The following RMDN2 variants were observed in gnomAD, a reference collection of about 807,000 sequenced individuals.
RMDN2 encodes regulator of microtubule dynamics 2.
In RMDN2, 61 loss-of-function variants were observed where a neutral mutation model predicts 52.8. That is an observed-to-expected ratio of 1.16 (90% CI 0.94 to 1.43). The LOEUF is 1.43. RMDN2 is among the 40% of genes most tolerant of loss of function. The pLI is 0.00. For synonymous variants in RMDN2, 180 were observed against 153.1 expected (o/e 1.18, Z -1.30); for missense variants, 592 against 475.3 (o/e 1.25, Z -2.28).
intron 10 of RMDN2, among the ~76,000 whole-genome samples, chr2:38,006,135 A>G (rs902088543): frequency 1.4e-4 from 22 of 152,148 alleles, no homozygotes; most frequent in African/African-American, 4.1e-4. Context: ...GTCTGGTAGC[A>G]TGATGCCTCC....
downstream of RMDN2, among the ~76,000 whole-genome samples, chr2:38,018,525 C>T (rs982007649): frequency 2.0e-5 from 3 of 152,094 alleles, no homozygotes; most frequent in African/African-American, 4.8e-5. Context: ...TAACTACAAT[C>T]GAATAACATT....
downstream of RMDN2, among the ~76,000 whole-genome samples, chr2:38,020,787 C>T (rs1679300470): frequency 6.6e-6 from 1 of 152,112 alleles, no homozygotes; most frequent in Non-Finnish European, 1.5e-5. Context: ...CATGCCTGAA[C>T]CTCCCCCGCC....
rs186464344 is a variant in RMDN2, at chr2:37,944,919, G to T, written c.452+15190G>T. 3.9e-5 allele frequency among the ~76,000 whole-genome samples: 6 copies of T among 152,268 alleles called. No individual in the cohort carries two copies. The East Asian group carries it at 7.7e-4, about 20-fold the overall frequency. On this transcript the variant is annotated intron_variant, in intron 2 of 10. Coordinates refer to ENST00000354545, the MANE Select transcript of RMDN2 (RefSeq NM_001170791.3). ...GCAAGAGTAAAGATGCAGGAAAAGG[G>T]CCTTTTTAAAAAATATCAAGAACAA...
At chr2:37,974,351 CTA>C in intron 3 of RMDN2, 137 bp downstream of exon 3, 1 of 514,000 alleles carries the variant, frequency 1.9e-6, no homozygotes. Context: ...TATAAAATGA[CTA>C]AAATTTTTTA....
intron 10 of RMDN2, among the ~76,000 whole-genome samples, chr2:38,048,439 G>T (rs1681402713): frequency 6.6e-6 from 1 of 152,184 alleles, no homozygotes; most frequent in South Asian, 2.1e-4. Context: ...AGCCTCCAGG[G>T]ACTTCAGGAA....
chr2:38,042,640 C>G (rs1681039796), intron 10 of RMDN2, among the ~76,000 whole-genome samples: 1 of 151,978 alleles, frequency 6.6e-6, no homozygotes, highest in African/African-American at 2.4e-5. Context: ...GCATTCAGTG[C>G]TATAAATTTC....
At chr2:37,977,358 A>T (rs375722126) in intron 4 of RMDN2, among the ~76,000 whole-genome samples, 3 of 152,022 alleles carry the variant, frequency 2.0e-5, no homozygotes. Flanking sequence ...TGTTGGGTAC[A>T]CCTCCCAGAC....
chr2:38,065,742 G>C (rs527315309), intron 10 of RMDN2, among the ~76,000 whole-genome samples: 2 of 152,332 alleles, frequency 1.3e-5, no homozygotes, highest in South Asian at 4.1e-4. Flanking sequence ...GATGGCCCTG[G>C]CTCCAACAAG....
chr2:38,017,575 G>T lies in RMDN2; in HGVS notation c.*336G>T. The T allele has an allele frequency of 8.2e-7, 1 of 1,225,614 alleles. No individual in the cohort carries two copies. Among genetic ancestry groups the T allele is most frequent in the Non-Finnish European group, 1.1e-6 (1 of 930,648 alleles). The allele number at this position is 1,225,614 out of a possible 1,614,324, so 75.9% of individuals were successfully genotyped here. Reference sequence around the variant, plus strand: ...TCATGAATATTTTATTGTTTCAATGGAGACTTCGTAAGACAAAATAATTTC... The same window carrying T: ...TCATGAATATTTTATTGTTTCAATGTAGACTTCGTAAGACAAAATAATTTC... On this transcript the variant is annotated 3_prime_UTR_variant, in exon 11 of 11. Transcript: ENST00000354545.
At position 37,938,321 on chromosome 2, in the gene RMDN2, A is replaced by G. The variant is rs535663000; in HGVS notation, c.452+8592A>G. On this transcript the variant is annotated intron_variant, in intron 2 of 10. Coordinates refer to ENST00000354545, the MANE Select transcript of RMDN2 (RefSeq NM_001170791.3). ...CCAGTATTTTATTGAGGATTTTTGC[A>G]TCAATCTTCATCAGGGATATTGGCC... 1.2e-3 allele frequency among the ~76,000 whole-genome samples: 176 copies of G among 152,292 alleles called. 3 individuals carry two copies. The highest frequency in any genetic ancestry group is 1.8e-4 in the Non-Finnish European group (12 of 68,028).
chr2:37,956,193 C>A (rs1218345024), intron 2 of RMDN2, among the ~76,000 whole-genome samples: 1 of 152,100 alleles, frequency 6.6e-6, no homozygotes, highest in Non-Finnish European at 1.5e-5. Context: ...AATATTTGGG[C>A]TTTCACTTTT....
At chr2:37,981,217 A>T in intron 4 of RMDN2, 66 bp from the exon 5 acceptor site, 1 of 957,102 alleles carries the variant, frequency 1.0e-6, no homozygotes, top group Non-Finnish European at 1.7e-6. Context: ...ACCATGAGTT[A>T]ATTCAATAAT....
chr2:38,049,747 T>TTTTGTAGAGA (rs1681476768), intron 10 of RMDN2, among the ~76,000 whole-genome samples: 1 of 152,094 alleles, frequency 6.6e-6, no homozygotes, highest in African/African-American at 2.4e-5. Context: ...TAATTTTTTA[T>TTTTGTAGAGA]TTTGTAGAGA....
At chr2:38,004,787 G>T (rs1028606527) in intron 10 of RMDN2, among the ~76,000 whole-genome samples, 1 of 151,648 alleles carries the variant, frequency 6.6e-6, no homozygotes, top group African/African-American at 2.4e-5. Flanking sequence ...TTGGTGTGCT[G>T]CACCCATTAA....
Position 37,991,210 on chromosome 2 carries a change from CT to C in RMDN2, c.868-4del. 15 of 1,531,844 alleles carry C rather than the reference CT, an allele frequency of 9.8e-6. No homozygotes were observed. Among genetic ancestry groups the C allele is most frequent in the South Asian group, 4.9e-5 (4 of 81,488 alleles). 94.9% of individuals were successfully genotyped at this position (1,531,844 alleles called of 1,614,324 possible). A position where few individuals can be genotyped will look rare whatever the true frequency, so the allele number is the denominator to read the frequency against. On this transcript the variant is annotated splice_polypyrimidine_tract_variant and intron_variant, in intron 6 of 10. Coordinates refer to ENST00000354545, the MANE Select transcript of RMDN2 (RefSeq NM_001170791.3). ...TTGGGAGATGATTTTCCTTTGGATG[CT>C]TTTTTCAGGAACATCTAGATATAGC...
rs1408788545 is a variant in RMDN2 at position 37,981,231 on chromosome 2, C to T, written c.731-52C>T. On this transcript the variant is annotated intron_variant, in intron 4 of 10. Transcript: ENST00000354545. ...AACCATGAGTTAATTCAATAATCCA[C>T]CTCCTACCAACTCACATGAAGGTAT... 4.6e-6 allele frequency: 5 copies of T among 1,087,964 alleles called. No individual in the cohort carries two copies. The East Asian group carries it at 9.4e-5, about 21-fold the overall frequency. 67.4% of individuals were successfully genotyped at this position (1,087,964 alleles called of 1,614,324 possible). A position where few individuals can be genotyped will look rare whatever the true frequency, so the allele number is the denominator to read the frequency against.
intron 10 of RMDN2, among the ~76,000 whole-genome samples, chr2:38,012,888 G>T (rs923607427): frequency 6.6e-6 from 1 of 152,154 alleles, no homozygotes. Context: ...TTTCTTTCTT[G>T]TGGCATTTAT....
intron 4 of RMDN2, among the ~76,000 whole-genome samples, chr2:37,979,771 G>A (rs1010304552): frequency 6.6e-6 from 1 of 151,978 alleles, no homozygotes. Context: ...TTATATTCTT[G>A]GAGTGATGGA....
At chr2:38,066,777 T>C (rs1682300770) in intron 10 of RMDN2, 6 of 558,672 alleles carry the variant, frequency 1.1e-5, no homozygotes, top group Non-Finnish European at 1.9e-5. Flanking sequence ...AAGGAATATT[T>C]TTCCCATGAA....
Sources: allele counts gnomAD v4.1 joint callset (sites outside exome capture counted in the v4.1 genomes callset), GRCh38; gene constraint gnomAD v4.1.1; transcripts MANE v1.5; gene names NCBI Gene and HGNC (gene_info 2026-07-23, HGNC 2026-07-21).